Variants in ATRNL1 observed in about 807,000 individuals in gnomAD.
ATRNL1 encodes the protein attractin like 1, also known as attractin-like protein 1.
In ATRNL1, 95 loss-of-function variants were observed where a neutral mutation model predicts 182.7. The ratio of observed to expected loss-of-function variants is 0.52; its 90% CI spans 0.44 to 0.62. The LOEUF is 0.62. ATRNL1 is among the 20% of genes least tolerant of loss of function. The pLI, the probability that ATRNL1 is intolerant of heterozygous loss-of-function variation, is 0.00. For missense variants in ATRNL1, 1,471 were observed against 1,679.5 expected (o/e 0.88, Z 2.17); for synonymous variants, 576 against 568.3 (o/e 1.01, Z -0.19).
chr10:115,508,261 G>A (rs1850214299), intron 24 of ATRNL1, among the ~76,000 whole-genome samples: 1 of 151,960 alleles, frequency 6.6e-6, no homozygotes, highest in African/African-American at 2.4e-5. Flanking sequence ...TTTGTTCTGA[G>A]TGCTCCATTG....
chr10:115,112,683 T>C (rs782701042), intron 1 of ATRNL1, among the ~76,000 whole-genome samples: 5 of 152,172 alleles, frequency 3.3e-5, no homozygotes, highest in Non-Finnish European at 5.9e-5. Context: ...AGTTTATAAA[T>C]GGGTAACTCA....
chr10:115,144,953 A>G (rs1043411201), intron 5 of ATRNL1, among the ~76,000 whole-genome samples: 2 of 152,210 alleles, frequency 1.3e-5, no homozygotes, highest in Admixed American at 1.3e-4. Flanking sequence ...TATATTAGGC[A>G]ACTATTTACA....
At chr10:115,221,446 ATTC>A (rs1489120928) in intron 9 of ATRNL1, among the ~76,000 whole-genome samples, 2 of 152,168 alleles carry the variant, frequency 1.3e-5, no homozygotes, top group Non-Finnish European at 2.9e-5. Flanking sequence ...TTGAGGACTT[ATTC>A]TTTTTCAGTG....
At chr10:115,619,437 C>A (rs1555021930) in intron 26 of ATRNL1, among the ~76,000 whole-genome samples, 1 of 152,108 alleles carries the variant, frequency 6.6e-6, no homozygotes, top group Admixed American at 6.5e-5. Flanking sequence ...GATTCTCAGG[C>A]CCCTGGCGAG....
intron 28 of ATRNL1, among the ~76,000 whole-genome samples, chr10:115,904,865 A>AAT (rs1426671628): frequency 6.6e-6 from 1 of 152,188 alleles, no homozygotes. Context: ...AAATTTTAAA[A>AAT]ATATATATCC....
chr10:115,883,178 C>A (rs1951866534), intron 28 of ATRNL1, among the ~76,000 whole-genome samples: 1 of 152,184 alleles, frequency 6.6e-6, no homozygotes, highest in Non-Finnish European at 1.5e-5. Flanking sequence ...GAACAACATC[C>A]ATGCAAGAAA....
At chr10:115,830,319 G>C (rs72828835) in intron 27 of ATRNL1, among the ~76,000 whole-genome samples, 6,694 of 152,286 alleles carry the variant, frequency 0.044, 194 homozygotes, top group Non-Finnish European at 0.069. Context: ...TTTGAGGTAA[G>C]ATTTGATGCA....
At chr10:115,804,192 T>C (rs1041814950) in intron 27 of ATRNL1, among the ~76,000 whole-genome samples, 2 of 152,206 alleles carry the variant, frequency 1.3e-5, no homozygotes, top group Non-Finnish European at 2.9e-5. Context: ...TACTCCCTAA[T>C]TGGGGCTCTT....
intron 22 of ATRNL1, 55 bp from the exon 23 acceptor site, chr10:115,467,119 A>C (rs1251689219): frequency 9.6e-6 from 9 of 934,240 alleles, no homozygotes; most frequent in Non-Finnish European, 1.6e-5. Context: ...AGACTAAATC[A>C]TATATATCTA....
chr10:115,205,706 G>T (rs937855435), intron 8 of ATRNL1, among the ~76,000 whole-genome samples: 1 of 151,880 alleles, frequency 6.6e-6, no homozygotes, highest in Non-Finnish European at 1.5e-5. Flanking sequence ...TCAATATTTT[G>T]TCACATGGTT....
intron 27 of ATRNL1, among the ~76,000 whole-genome samples, chr10:115,831,735 C>T (rs186973378): frequency 1.7e-4 from 25 of 147,114 alleles, no homozygotes; most frequent in African/African-American, 6.2e-4. Flanking sequence ...CTGCTCTCAC[C>T]ACCTCACATA....
intron 28 of ATRNL1, among the ~76,000 whole-genome samples, chr10:115,856,741 C>T (rs782121712): frequency 2.4e-4 from 37 of 152,166 alleles, no homozygotes; most frequent in African/African-American, 7.5e-4. Flanking sequence ...CTAATGCCTC[C>T]GCTGATCCGA....
chr10:115,226,601 A>G (rs984682612), intron 9 of ATRNL1, among the ~76,000 whole-genome samples: 4 of 152,156 alleles, frequency 2.6e-5, no homozygotes, highest in African/African-American at 9.6e-5. Flanking sequence ...ATATAACCAA[A>G]AAAGAGCCCG....
intron 24 of ATRNL1, among the ~76,000 whole-genome samples, chr10:115,490,945 T>C (rs920216171): frequency 9.6e-4 from 146 of 152,270 alleles, no homozygotes; most frequent in East Asian, 3.9e-4. Flanking sequence ...ATGTTGATAC[T>C]ATTCCTTTCT....
chr10:115,615,916 A>G (rs11492805), intron 26 of ATRNL1, among the ~76,000 whole-genome samples: 52,600 of 152,042 alleles, frequency 0.35, 10,925 homozygotes, highest in Non-Finnish European at 0.47. Flanking sequence ...AATTGGTATC[A>G]AGGGAGGCAT....
chr10:115,424,647 G>T (rs1554962568), intron 20 of ATRNL1, among the ~76,000 whole-genome samples: 2 of 152,068 alleles, frequency 1.3e-5, no homozygotes, highest in East Asian at 3.9e-4. Context: ...GAACCTAGAG[G>T]ACATTATATT....
intron 10 of ATRNL1, among the ~76,000 whole-genome samples, chr10:115,242,584 C>A (rs1554903227): frequency 6.6e-6 from 1 of 151,830 alleles, no homozygotes; most frequent in East Asian, 1.9e-4. Context: ...AAAAGAATAA[C>A]ACATTTAATA....
intron 18 of ATRNL1, 73 bp from the exon 19 acceptor site, chr10:115,334,209 A>G (rs1855372495): frequency 9.9e-7 from 1 of 1,014,746 alleles, no homozygotes; most frequent in Non-Finnish European, 1.4e-6. Flanking sequence ...TTTAAGATAC[A>G]TTCTTTGTTT....
intron 26 of ATRNL1, among the ~76,000 whole-genome samples, chr10:115,605,881 A>G (rs1279295230): frequency 6.6e-6 from 1 of 152,032 alleles, no homozygotes; most frequent in Non-Finnish European, 1.5e-5. Flanking sequence ...CAACATTTGT[A>G]ATCCTAATTC....
Sources: allele counts gnomAD v4.1 joint callset (sites outside exome capture counted in the v4.1 genomes callset), GRCh38; gene constraint gnomAD v4.1.1; transcripts MANE v1.5; gene names NCBI Gene and HGNC (gene_info 2026-07-23, HGNC 2026-07-21).